SPIDR: variants seen among roughly 807,000 people sequenced by gnomAD.
SPIDR encodes the protein scaffold protein involved in DNA repair.
Under a neutral mutation model 104.6 loss-of-function variants are expected in SPIDR, and 93 were observed. That is an observed-to-expected ratio of 0.89 (90% CI 0.75 to 1.06). The LOEUF (loss-of-function observed/expected upper bound fraction) is 1.06. Ranked by LOEUF, SPIDR falls within the 50% of genes least tolerant of loss-of-function variation. The pLI, the probability that SPIDR is intolerant of heterozygous loss-of-function variation, is 0.00. For synonymous variants in SPIDR, 431 were observed against 416.9 expected (o/e 1.03, Z -0.41); for missense variants, 1,154 against 1,111.2 (o/e 1.04, Z -0.55).
chr8:47,713,448 T>C, intron 15 of SPIDR, 41 bp from the exon 16 acceptor site: 1 of 1,612,008 alleles, frequency 6.2e-7, no homozygotes, highest in Non-Finnish European at 8.5e-7. Context: ...AATTCACTTT[T>C]TCTTCAAGGC....
chr8:47,411,276 A>G (rs2154326842), intron 7 of SPIDR, among the ~76,000 whole-genome samples: 1 of 152,342 alleles, frequency 6.6e-6, no homozygotes, highest in Non-Finnish European at 1.5e-5. Flanking sequence ...AGTCCCACCA[A>G]CAGTGTAAAA....
chr8:47,558,115 A>G (rs1386833222), intron 8 of SPIDR, among the ~76,000 whole-genome samples: 2 of 152,190 alleles, frequency 1.3e-5, no homozygotes, highest in African/African-American at 4.8e-5. Flanking sequence ...ACACATGTAC[A>G]TAAAGATAGG....
chr8:47,621,305 T>C (rs2065139278), intron 10 of SPIDR, among the ~76,000 whole-genome samples: 1 of 152,260 alleles, frequency 6.6e-6, no homozygotes, highest in East Asian at 1.9e-4. Context: ...CCATCACCAC[T>C]ATCTAATTCC....
chr8:47,298,881 G>A (rs2041447168), intron 5 of SPIDR, among the ~76,000 whole-genome samples: 2 of 152,180 alleles, frequency 1.3e-5, no homozygotes. Flanking sequence ...TTGAAGTCAG[G>A]TAGCGTGATG....
chr8:47,582,503 CT>C (rs1294388921), intron 8 of SPIDR, among the ~76,000 whole-genome samples: 1 of 152,178 alleles, frequency 6.6e-6, no homozygotes, highest in East Asian at 1.9e-4. Flanking sequence ...CTTCTTTGGT[CT>C]TTTAGTCTCA....
intron 5 of SPIDR, among the ~76,000 whole-genome samples, chr8:47,302,943 T>C (rs1018022287): frequency 1.3e-5 from 2 of 152,204 alleles, no homozygotes; most frequent in Non-Finnish European, 2.9e-5. Flanking sequence ...TCCAGCTGCA[T>C]GCTGGGAGAA....
intron 7 of SPIDR, among the ~76,000 whole-genome samples, chr8:47,428,971 C>T (rs1170694561): frequency 9.2e-5 from 14 of 152,182 alleles, no homozygotes; most frequent in African/African-American, 2.7e-4. Flanking sequence ...TCCTTACCCA[C>T]GTTTCAGTGC....
chr8:47,565,031 G>A (rs777459552), intron 8 of SPIDR, among the ~76,000 whole-genome samples: 2 of 152,134 alleles, frequency 1.3e-5, no homozygotes, highest in Non-Finnish European at 2.9e-5. Flanking sequence ...CAGATCACCT[G>A]AGGTCAGTAG....
At chr8:47,505,290 C>G (rs1030005934) in intron 8 of SPIDR, among the ~76,000 whole-genome samples, 15 of 152,206 alleles carry the variant, frequency 9.9e-5, no homozygotes, top group African/African-American at 2.9e-4. Flanking sequence ...CCACCCAGTT[C>G]GAGCTTCCCC....
At chr8:47,309,825 T>C (rs1200224140) in intron 5 of SPIDR, among the ~76,000 whole-genome samples, 3 of 151,320 alleles carry the variant, frequency 2.0e-5, no homozygotes, top group African/African-American at 7.3e-5. Flanking sequence ...GATCACGAGG[T>C]CAGGAGGTCA....
intron 5 of SPIDR, among the ~76,000 whole-genome samples, chr8:47,299,012 G>C (rs1253503620): frequency 6.6e-6 from 1 of 152,156 alleles, no homozygotes; most frequent in Non-Finnish European, 1.5e-5. Context: ...TAGCTTGATG[G>C]GGATGGCATT....
chr8:47,441,823 G>T (rs1170883203), intron 8 of SPIDR, among the ~76,000 whole-genome samples: 1 of 151,986 alleles, frequency 6.6e-6, no homozygotes, highest in African/African-American at 2.4e-5. Context: ...TATCTTTATG[G>T]GTAATATGTG....
At chr8:47,314,230 C>T (rs116769079) in intron 5 of SPIDR, among the ~76,000 whole-genome samples, 45 of 151,772 alleles carry the variant, frequency 3.0e-4, no homozygotes, top group African/African-American at 1.1e-3. Flanking sequence ...ATTATAATTC[C>T]TAGAACAAAC....
intron 8 of SPIDR, among the ~76,000 whole-genome samples, chr8:47,534,925 G>C (rs1443004255): frequency 1.3e-5 from 2 of 151,994 alleles, no homozygotes; most frequent in Non-Finnish European, 2.9e-5. Flanking sequence ...AAGGAAAAAA[G>C]ACAGAAATTA....
intron 11 of SPIDR, among the ~76,000 whole-genome samples, chr8:47,695,716 A>T (rs2079236492): frequency 1.3e-5 from 2 of 152,332 alleles, no homozygotes; most frequent in Middle Eastern, 3.4e-3. Context: ...GGAGAGTGGA[A>T]ATCTTGGTTG....
intron 19 of SPIDR, chr8:47,732,545 TAGG>T: frequency 3.7e-6 from 1 of 272,472 alleles, no homozygotes; most frequent in Non-Finnish European, 7.0e-6. Context: ...GTAGACAACT[TAGG>T]AGGCTCTTTA....
At chr8:47,589,237 T>G (rs1382681940) in intron 8 of SPIDR, among the ~76,000 whole-genome samples, 3 of 151,926 alleles carry the variant, frequency 2.0e-5, no homozygotes, top group African/African-American at 7.3e-5. Context: ...AATTACAAAT[T>G]TGGCCGGGCA....
At chr8:47,635,277 G>C (rs1393180305) in intron 10 of SPIDR, among the ~76,000 whole-genome samples, 4 of 152,162 alleles carry the variant, frequency 2.6e-5, no homozygotes, top group Non-Finnish European at 5.9e-5. Flanking sequence ...CTGGGAGGTG[G>C]AGGTTGCAGT....
chr8:47,713,574 G>A lies in SPIDR; in HGVS notation c.2274G>A (p.Leu758=), dbSNP rs2082167490. 3 of 1,614,060 alleles carry A rather than the reference G, an allele frequency of 1.9e-6. No individual in the cohort carries two copies. Among genetic ancestry groups the A allele is most frequent in the Middle Eastern group, 1.6e-4 (1 of 6,076 alleles). ...TCTCTGGTGCAAGTTCCTGTGAGCTGCCTGGCCCGGTGATGCTCGACAGCC... is the reference window on the plus strand; with the variant it reads ...TCTCTGGTGCAAGTTCCTGTGAGCTACCTGGCCCGGTGATGCTCGACAGCC... ...SVVSGASSCE[L]PGPVMLDSLD... is the part of the protein sequence containing the mutation. Residue 758 remains leucine, a synonymous_variant, in exon 16 of 20, where the codon CTG becomes CTA. Transcript: ENST00000297423.
Sources: gnomAD v4.1 joint callset for allele counts (sites outside exome capture counted in the v4.1 genomes callset) on GRCh38, gnomAD v4.1.1 for gene constraint, MANE v1.5 for transcripts, NCBI Gene and HGNC (gene_info 2026-07-23, HGNC 2026-07-21) for gene names.